Variants in NEK8 observed in about 807,000 individuals in gnomAD.
NEK8 encodes serine/threonine-protein kinase Nek8.
In NEK8, 51 loss-of-function variants were observed where a neutral mutation model predicts 77.2. The ratio of observed to expected loss-of-function variants is 0.66; its 90% CI spans 0.53 to 0.83. NEK8 has a LOEUF of 0.83. NEK8 is among the 40% of genes least tolerant of loss of function. NEK8 has a pLI of 0.00. For synonymous variants in NEK8, 365 were observed against 363.2 expected (o/e 1.00, Z -0.06); for missense variants, 787 against 909.2 (o/e 0.87, Z 1.73).
chr17:28,734,320 C>T (rs186007613), intron 2 of NEK8, 132 bp downstream of exon 2: 6 of 790,644 alleles, frequency 7.6e-6, no homozygotes, highest in Non-Finnish European at 1.3e-5. Flanking sequence ...AATTATCTGA[C>T]CCCGGCTAGC....
rs1364789865 is a variant in NEK8 at position 28,737,328 on chromosome 17, A to G, written c.641A>G (p.Lys214Arg). Residue 214 changes from lysine (K) to arginine (R), a missense_variant, in exon 5 of 15, where the codon AAG becomes AGG. Coordinates refer to ENST00000268766, the MANE Select transcript of NEK8 (RefSeq NM_178170.3). The surrounding 1 kb of genome is among the most constrained non-coding windows in gnomAD (Gnocchi z 4.8). ...EAANLPALVL[K>R]IMSGTFAPIS... ...CAGAACTTGCCAGCACTGGTGCTGA[A>G]GATCATGAGTGGCACCTTTGCACCT... The G allele has an allele frequency of 6.2e-7, 1 of 1,613,358 alleles. No individual in the cohort carries two copies. The highest frequency in any genetic ancestry group is 1.3e-5 in the African/African-American group (1 of 74,920).
Position 28,737,605 on chromosome 17 carries a change from C to G in NEK8, c.828-70C>G. Reference sequence around the variant, plus strand: ...GTCTGAGGCAGAGGGAAACCTGGGGCAAGTCCTCCCTTCCTGCATGTAGGA... The same window carrying G: ...GTCTGAGGCAGAGGGAAACCTGGGGGAAGTCCTCCCTTCCTGCATGTAGGA... On this transcript the variant is annotated intron_variant, in intron 5 of 14. Transcript: ENST00000268766. This position sits in a 1 kb window ranked among gnomAD's most constrained non-coding sequence, Gnocchi z 4.8. 6.2e-7 allele frequency: 1 copy of G among 1,613,890 alleles called. No homozygotes were observed. The highest frequency in any genetic ancestry group is 1.1e-5 in the South Asian group (1 of 91,070).
intron 1 of NEK8, among the ~76,000 whole-genome samples, chr17:28,730,066 T>C (rs1243369506): frequency 1.3e-5 from 2 of 152,208 alleles, no homozygotes; most frequent in Non-Finnish European, 2.9e-5. Flanking sequence ...GATTATGGCC[T>C]GATAACCTGA....
intron 1 of NEK8, among the ~76,000 whole-genome samples, chr17:28,729,633 C>T (rs769300679): frequency 7.4e-5 from 11 of 149,508 alleles, no homozygotes; most frequent in Admixed American, 2.0e-4. Flanking sequence ...ACCTCTGCCT[C>T]CCTGGTTCAA....
rs1567761163 is a variant in NEK8 at position 28,738,742 on chromosome 17, A to T, written c.1294A>T (p.Ser432Cys). ...AGGCCATGGCAGCCTCACTGACATC[A>T]GCCAGGTGGGTGTCACATATACCTT... ...CLGHGSLTDI[S>C]QPTIVEALLG... The change falls in exon 9 of 15, where the codon AGC becomes TGC. Residue 432 changes from serine (S) to cysteine (C), a missense_variant. Coordinates refer to ENST00000268766, the MANE Select transcript of NEK8 (RefSeq NM_178170.3). 1 of 1,613,016 alleles carries T rather than the reference A, an allele frequency of 6.2e-7. No individual in the cohort carries two copies. The highest frequency in any genetic ancestry group is 1.3e-5 in the African/African-American group (1 of 74,910).
At position 28,737,435 on chromosome 17, in the gene NEK8, A is replaced by G; in HGVS notation, c.748A>G (p.Ser250Gly). 3 of 1,613,334 alleles carry G rather than the reference A, an allele frequency of 1.9e-6. No homozygotes were observed. The highest frequency in any genetic ancestry group is 2.5e-6 in the Non-Finnish European group (3 of 1,180,008). Residue 250 changes from serine to glycine, a missense_variant, in exon 5 of 15, where the codon AGC becomes GGC. Ser to Gly is a moderately conservative substitution (Grantham distance 56). This residue lies in a region of NEK8 where 271 missense variants were observed against 365.1 expected (regional missense o/e 0.74). Transcript: ENST00000268766. This position sits in a 1 kb window ranked among gnomAD's most constrained non-coding sequence, Gnocchi z 4.8. ...SLEPAQRPPL[S>G]HIMAQPLCIR... ...GGAGCCTGCCCAGCGGCCACCACTCAGCCACATCATGGCACAGCCCCTCTG... is the reference window on the plus strand; with the variant it reads ...GGAGCCTGCCCAGCGGCCACCACTCGGCCACATCATGGCACAGCCCCTCTG...
At chr17:28,731,952 A>C (rs184707742) in intron 1 of NEK8, among the ~76,000 whole-genome samples, 1 of 62,170 alleles carries the variant, frequency 1.6e-5, no homozygotes, top group East Asian at 6.0e-4. Flanking sequence ...TTTTTTTGAG[A>C]CGGAGTCTTG....
At chr17:28,733,960 G>C in intron 1 of NEK8, 23 bp from the exon 2 acceptor site, 1 of 1,609,994 alleles carries the variant, frequency 6.2e-7, no homozygotes, top group Admixed American at 1.7e-5. Context: ...CTGGTAACCT[G>C]TCCCTGTCCT....
intron 1 of NEK8, among the ~76,000 whole-genome samples, chr17:28,731,705 G>A (rs1186182471): frequency 2.7e-5 from 4 of 149,468 alleles, no homozygotes; most frequent in African/African-American, 4.9e-5. Context: ...CCAGGTTCAC[G>A]CCATTCTTCT....
In NEK8 at chr17:28,741,282, G is replaced by A; in HGVS notation, c.1891+46G>A. ...GGGCAGACAGTGCCATGAGCAGTGG[G>A]GGGTGGGGGTTGCTATTCAGGGCCA... On this transcript the variant is annotated intron_variant, in intron 13 of 14. Transcript: ENST00000268766. This position sits in a 1 kb window ranked among gnomAD's most constrained non-coding sequence, Gnocchi z 4.5. 1 of 1,593,958 alleles carries A rather than the reference G, an allele frequency of 6.3e-7. No homozygotes were observed.
In NEK8 at chr17:28,741,182, A is replaced by T. The variant is rs2034417960; in HGVS notation, c.1837A>T (p.Ile613Phe). 1 of 1,613,622 alleles carries T rather than the reference A, an allele frequency of 6.2e-7. No homozygotes were observed. Residue 613 changes from isoleucine to phenylalanine, a missense_variant, in exon 13 of 15, where the codon ATC (isoleucine) becomes TTC (phenylalanine). Physicochemically the swap from Ile to Phe is conservative, Grantham distance 21. Coordinates refer to ENST00000268766, the MANE Select transcript of NEK8 (RefSeq NM_178170.3). The surrounding 1 kb of genome is among the most constrained non-coding windows in gnomAD (Gnocchi z 4.5). Reference protein sequence around the residue: ...APCKVQGLEGIKMAMVACGDA... With the variant: ...APCKVQGLEGFKMAMVACGDA... Reference sequence around the variant, plus strand: ...CTGTAAGGTCCAAGGCCTTGAGGGCATCAAGATGGCAATGGTAGCCTGTGG... The same window carrying T: ...CTGTAAGGTCCAAGGCCTTGAGGGCTTCAAGATGGCAATGGTAGCCTGTGG...
chr17:28,738,506 C>T (rs2034389592), intron 8 of NEK8, among the ~76,000 whole-genome samples, 165 bp from the exon 9 acceptor site: 1 of 152,184 alleles, frequency 6.6e-6, no homozygotes, highest in Admixed American at 6.5e-5. Context: ...TGTCCAAAGT[C>T]ACATATGTTT....
At chr17:28,731,952 A>G (rs184707742) in intron 1 of NEK8, among the ~76,000 whole-genome samples, 995 of 62,176 alleles carry the variant, frequency 0.016, 12 homozygotes, top group African/African-American at 0.064. Context: ...TTTTTTTGAG[A>G]CGGAGTCTTG....
At chr17:28,730,480 G>A (rs1354699349) in intron 1 of NEK8, among the ~76,000 whole-genome samples, 2 of 152,032 alleles carry the variant, frequency 1.3e-5, no homozygotes, top group Non-Finnish European at 2.9e-5. Flanking sequence ...CACCATGTTG[G>A]CCAGCCTGGT....
Position 28,737,337 on chromosome 17 carries a change from G to A in NEK8, c.650G>A (p.Ser217Asn). 2 of 1,613,780 alleles carry A rather than the reference G, an allele frequency of 1.2e-6. No individual in the cohort carries two copies. Among genetic ancestry groups the A allele is most frequent in the Non-Finnish European group, 1.7e-6 (2 of 1,179,950 alleles). The change falls in exon 5 of 15, where the codon AGT becomes AAT. Residue 217 changes from serine (S) to asparagine (N), a missense_variant. Ser to Asn is a conservative substitution (Grantham distance 46, BLOSUM62 1). Around this residue, in one of 2 missense-constraint regions of NEK8, gnomAD observed 271 missense variants for 365.1 expected, o/e 0.74. Transcript: ENST00000268766. The surrounding 1 kb of genome is among the most constrained non-coding windows in gnomAD (Gnocchi z 4.8). Reference sequence around the variant, plus strand: ...CCAGCACTGGTGCTGAAGATCATGAGTGGCACCTTTGCACCTATCTCTGAC... The same window carrying A: ...CCAGCACTGGTGCTGAAGATCATGAATGGCACCTTTGCACCTATCTCTGAC... Reference protein sequence around the residue: ...NLPALVLKIMSGTFAPISDRY... With the variant: ...NLPALVLKIMNGTFAPISDRY...
Position 28,737,896 on chromosome 17 carries a change from A to G in NEK8, c.967A>G (p.Thr323Ala). 7 of 1,613,406 alleles carry G rather than the reference A, an allele frequency of 4.3e-6. No homozygotes were observed. The highest frequency in any genetic ancestry group is 5.9e-6 in the Non-Finnish European group (7 of 1,179,914). ...GTATGCCTGGGGTGGTGGGCTGGGCACCCCCCTGCGGCTGCCAATGCTCAA... is the reference window on the plus strand; with the variant it reads ...GTATGCCTGGGGTGGTGGGCTGGGCGCCCCCCTGCGGCTGCCAATGCTCAA... The part of the protein sequence containing the change: ...SVYAWGGGLG[T>A]PLRLPMLNTE... The change falls in exon 7 of 15, where the codon ACC (threonine) becomes GCC (alanine). Residue 323 changes from threonine (T) to alanine (A), a missense_variant. Physicochemically the swap from Thr to Ala is moderately conservative, Grantham distance 58 (BLOSUM62 0). This residue lies in a region of NEK8 where 516 missense variants were observed against 544.0 expected (regional missense o/e 0.95). Coordinates refer to ENST00000268766, the MANE Select transcript of NEK8 (RefSeq NM_178170.3). This position sits in a 1 kb window ranked among gnomAD's most constrained non-coding sequence, Gnocchi z 4.8.
In NEK8 at chr17:28,737,936, A is replaced by G. The variant is rs1221792863; in HGVS notation, c.1007A>G (p.Gln336Arg). 3 of 1,613,038 alleles carry G rather than the reference A, an allele frequency of 1.9e-6. No homozygotes were observed. Among genetic ancestry groups the G allele is most frequent in the South Asian group, 1.1e-5 (1 of 91,076 alleles). The change falls in exon 7 of 15, where the codon CAG becomes CGG. Residue 336 changes from glutamine (Q) to arginine (R), a missense_variant. Physicochemically the swap from Gln to Arg is conservative, Grantham distance 43. Transcript: ENST00000268766. This position sits in a 1 kb window ranked among gnomAD's most constrained non-coding sequence, Gnocchi z 4.8. Reference sequence around the variant, plus strand: ...CCAATGCTCAACACAGAGGTGGTCCAGGTGGCAGCTGGGCGCACGCAGAAA... The same window carrying G: ...CCAATGCTCAACACAGAGGTGGTCCGGGTGGCAGCTGGGCGCACGCAGAAA... ...RLPMLNTEVV[Q>R]VAAGRTQKAG...
At position 28,737,551 on chromosome 17, in the gene NEK8, G is replaced by A; in HGVS notation, c.827+37G>A. The A allele has an allele frequency of 1.9e-6, 3 of 1,612,800 alleles. No homozygotes were observed. Among genetic ancestry groups the A allele is most frequent in the Non-Finnish European group, 2.5e-6 (3 of 1,179,490 alleles). On this transcript the variant is annotated intron_variant, in intron 5 of 14. Coordinates refer to ENST00000268766, the MANE Select transcript of NEK8 (RefSeq NM_178170.3). The surrounding 1 kb of genome is among the most constrained non-coding windows in gnomAD (Gnocchi z 4.8). ...GACAGCGAGCGGTCCTGGGCGGCAG[G>A]GTGTGGGCACCCAGTGGGAGCACAG... is the stretch of plus-strand genomic sequence containing the variant.
In NEK8 at chr17:28,735,362, C is replaced by G; in HGVS notation, c.609C>G (p.Phe203Leu). The change falls in exon 4 of 15, where the codon TTC becomes TTG. Residue 203 changes from phenylalanine to leucine, a missense_variant. Phe to Leu is a conservative substitution (Grantham distance 22). Around this residue, in one of 2 missense-constraint regions of NEK8, gnomAD observed 271 missense variants for 365.1 expected, o/e 0.74. Coordinates refer to ENST00000268766, the MANE Select transcript of NEK8 (RefSeq NM_178170.3). ...AGCTGGCCAGCCTCAAGAGGGCTTT[C>G]GAGGCTGCGGTGAGTGTATGCACCC... ...LYELASLKRAFEAANLPALVL... is the reference protein window; with the variant it reads ...LYELASLKRALEAANLPALVL... 1 of 1,613,672 alleles carries G rather than the reference C, an allele frequency of 6.2e-7. No homozygotes were observed. The highest frequency in any genetic ancestry group is 1.1e-5 in the South Asian group (1 of 90,992).
Sources: allele counts gnomAD v4.1 joint callset (sites outside exome capture counted in the v4.1 genomes callset), GRCh38; gene constraint gnomAD v4.1.1; regional missense constraint gnomAD v4.1.1; non-coding constraint Gnocchi (gnomAD v3.1); transcripts MANE v1.5; gene names NCBI Gene and HGNC (gene_info 2026-07-23, HGNC 2026-07-21).